The following SAMD12 variants were observed in gnomAD, a reference collection of about 807,000 sequenced individuals.
SAMD12 encodes sterile alpha motif domain containing 12, also known as sterile alpha motif domain-containing protein 12.
SAMD12 carries 9 observed loss-of-function variants against 15.0 expected under a neutral mutation model. The observed-to-expected ratio is 0.60, with a 90% CI of 0.36 to 1.05. SAMD12 has a LOEUF of 1.05. Among genes scored for constraint, SAMD12 ranks in the 50% least tolerant of loss-of-function variants. The pLI, the probability that SAMD12 is intolerant of heterozygous loss-of-function variation, is 0.01. For missense variants in SAMD12, 230 were observed against 234.2 expected (o/e 0.98, Z 0.12); for synonymous variants, 86 against 90.1 (o/e 0.96, Z 0.25).
chr8:118,479,514 G>C (rs1824061311), intron 2 of SAMD12, among the ~76,000 whole-genome samples: 1 of 152,058 alleles, frequency 6.6e-6, no homozygotes, highest in African/African-American at 2.4e-5. Context: ...CAGTATGGGG[G>C]AAACCACACC....
intron 4 of SAMD12, among the ~76,000 whole-genome samples, chr8:118,295,934 G>A (rs773931033): frequency 2.1e-4 from 32 of 152,182 alleles, no homozygotes; most frequent in Admixed American, 3.3e-4. Context: ...CTGACCCACT[G>A]CAACTGGTCA....
At chr8:118,522,994 G>T (rs1297142917) in intron 2 of SAMD12, among the ~76,000 whole-genome samples, 1 of 152,094 alleles carries the variant, frequency 6.6e-6, no homozygotes, top group African/African-American at 2.4e-5. Flanking sequence ...TCTGATATTT[G>T]ACATTTCTCT....
chr8:118,179,582 C>G, the SAMD12 span, among the ~76,000 whole-genome samples: 3 of 152,140 alleles, frequency 2.0e-5, no homozygotes, highest in Non-Finnish European at 2.9e-5. Flanking sequence ...TTAGAGCTCT[C>G]TTTTGGAAAA....
Position 118,621,890 on chromosome 8 carries a change from C to G in SAMD12, c.-74G>C. On this transcript the variant is annotated 5_prime_UTR_variant, in exon 1 of 4. Coordinates refer to ENST00000314727, the MANE Select transcript of SAMD12 (RefSeq NM_207506.3). ...TCCTCCTGCCCCGCGCTCCCCCCTT[C>G]CTCTCGCTTTCGCCTAAATATTCTG... The G allele has an allele frequency of 6.6e-7, 1 of 1,523,936 alleles. No homozygotes were observed. The highest frequency in any genetic ancestry group is 9.1e-7 in the Non-Finnish European group (1 of 1,097,856). The allele number at this position is 1,523,936 out of a possible 1,614,324, so 94.4% of individuals were successfully genotyped here.
intron 4 of SAMD12, among the ~76,000 whole-genome samples, chr8:118,326,017 G>C (rs963937474): frequency 6.6e-6 from 1 of 152,152 alleles, no homozygotes; most frequent in Non-Finnish European, 1.5e-5. Flanking sequence ...ACTTCACGCC[G>C]GAAGCCCATG....
At chr8:118,616,168 T>A (rs1020795353) in intron 1 of SAMD12, among the ~76,000 whole-genome samples, 4 of 152,228 alleles carry the variant, frequency 2.6e-5, no homozygotes, top group Admixed American at 1.3e-4. Flanking sequence ...ACAATGAAGC[T>A]GCTGCAGGGA....
At chr8:118,413,796 G>A (rs1461634247) in intron 3 of SAMD12, among the ~76,000 whole-genome samples, 1 of 152,032 alleles carries the variant, frequency 6.6e-6, no homozygotes, top group Admixed American at 6.6e-5. Flanking sequence ...TATAGCTCTT[G>A]AAAGGATCTT....
intron 4 of SAMD12, among the ~76,000 whole-genome samples, chr8:118,213,731 G>A (rs1441906645): frequency 6.6e-6 from 1 of 152,106 alleles, no homozygotes. Flanking sequence ...AGCAGAACCT[G>A]GAAGACAGCC....
the SAMD12 span, among the ~76,000 whole-genome samples, chr8:118,182,935 A>G: frequency 7.2e-5 from 11 of 152,246 alleles, no homozygotes; most frequent in African/African-American, 2.7e-4. Context: ...AACTTCACAC[A>G]TGGGGACAGA....
downstream of SAMD12, among the ~76,000 whole-genome samples, chr8:118,184,903 CT>C (rs5894416): frequency 0.57 from 80,796 of 141,566 alleles, 23,076 homozygotes; most frequent in Middle Eastern, 0.68. Flanking sequence ...ACCATTTGTT[CT>C]TTTTTTTTTT....
chr8:118,168,903 G>A, the SAMD12 span, among the ~76,000 whole-genome samples: 2 of 152,080 alleles, frequency 1.3e-5, no homozygotes, highest in Non-Finnish European at 2.9e-5. Context: ...GAAAGAAAAA[G>A]AATATTAATC....
At chr8:118,287,122 ATTTTTTTT>A (rs202200197) in intron 4 of SAMD12, among the ~76,000 whole-genome samples, 22,007 of 132,806 alleles carry the variant, frequency 0.17, 2,075 homozygotes, top group East Asian at 0.37. Flanking sequence ...AAGGAAGAAT[ATTTTTTTT>A]TTTTTTTTTT....
intron 2 of SAMD12, among the ~76,000 whole-genome samples, chr8:118,538,632 T>G (rs1396785668): frequency 1.3e-5 from 2 of 152,196 alleles, no homozygotes; most frequent in African/African-American, 4.8e-5. Context: ...CTCAGGGGAA[T>G]GAGAGAGAAG....
intron 2 of SAMD12, among the ~76,000 whole-genome samples, chr8:118,492,236 T>C (rs1163309803): frequency 6.6e-6 from 1 of 152,040 alleles, no homozygotes; most frequent in East Asian, 1.9e-4. Flanking sequence ...CATTTTCATA[T>C]GCCTATTGGC....
chr8:118,174,697 G>A, the SAMD12 span, among the ~76,000 whole-genome samples: 2 of 151,964 alleles, frequency 1.3e-5, no homozygotes, highest in Admixed American at 1.3e-4. Flanking sequence ...AAGTGGGGGT[G>A]AAGAAATTAT....
At chr8:118,516,583 T>A (rs1825250423) in intron 2 of SAMD12, among the ~76,000 whole-genome samples, 1 of 152,126 alleles carries the variant, frequency 6.6e-6, no homozygotes, top group African/African-American at 2.4e-5. Context: ...TTGACTCCAC[T>A]TTTCCTTAAA....
At chr8:118,370,458 C>T (rs1419698596) in intron 4 of SAMD12, among the ~76,000 whole-genome samples, 1 of 152,138 alleles carries the variant, frequency 6.6e-6, no homozygotes, top group Non-Finnish European at 1.5e-5. Context: ...GAATATAAAT[C>T]ATTCTGTTTT....
chr8:118,442,454 C>G (rs1347202025), intron 2 of SAMD12, among the ~76,000 whole-genome samples: 3 of 152,240 alleles, frequency 2.0e-5, no homozygotes, highest in Non-Finnish European at 1.5e-5. Flanking sequence ...CATTTTCCCT[C>G]TAACATCTGT....
chr8:118,336,278 C>G (rs192142857), intron 4 of SAMD12, among the ~76,000 whole-genome samples: 1 of 152,254 alleles, frequency 6.6e-6, no homozygotes, highest in African/African-American at 2.4e-5. Context: ...ATCATTTTCT[C>G]GAAAGCTTAG....
Sources: allele counts gnomAD v4.1 joint callset (sites outside exome capture counted in the v4.1 genomes callset), GRCh38; gene constraint gnomAD v4.1.1; transcripts MANE v1.5; gene names NCBI Gene and HGNC (gene_info 2026-07-23, HGNC 2026-07-21).